METAP1D: variants seen among roughly 807,000 people sequenced by gnomAD.
The protein encoded by METAP1D is methionine aminopeptidase 1D, mitochondrial.
Under a neutral mutation model 40.5 loss-of-function variants are expected in METAP1D, and 31 were observed. The ratio of observed to expected loss-of-function variants is 0.77; its 90% CI spans 0.58 to 1.03. The LOEUF is 1.03. Ranked by LOEUF, METAP1D falls within the 50% of genes least tolerant of loss-of-function variation. The probability of loss-of-function intolerance (pLI) is 0.00; values close to 1 mark genes in which losing one functional copy is unlikely to be tolerated. For missense variants in METAP1D, 411 were observed against 420.7 expected, an observed-to-expected ratio of 0.98 and a Z score of 0.20; for synonymous variants, 151 against 146.4, an observed-to-expected ratio of 1.03 and a Z score of -0.22.
At chr2:172,077,985 C>T in intron 7 of METAP1D, 91 bp downstream of exon 7, 1 of 537,246 alleles carries the variant, frequency 1.9e-6, no homozygotes, top group Non-Finnish European at 3.5e-6. Context: ...TTTGAATCTG[C>T]ATTATCAACC....
chr2:172,080,870 T>C lies in METAP1D; in HGVS notation c.*464T>C. 1 of 188,010 alleles carries C rather than the reference T, an allele frequency of 5.3e-6. No individual in the cohort carries two copies. Among genetic ancestry groups the C allele is most frequent in the Non-Finnish European group, 1.1e-5 (1 of 89,262 alleles). The allele number at this position is 188,010 out of a possible 1,614,324, so 11.6% of individuals were successfully genotyped here. A position where few individuals can be genotyped will look rare whatever the true frequency, so the allele number is the denominator to read the frequency against. Reference sequence around the variant, plus strand: ...ACCTGTTGACTGGGATTTTTAAGAATCCGTTTCTCCCTTTTGTGTATTCCA... The same window carrying C: ...ACCTGTTGACTGGGATTTTTAAGAACCCGTTTCTCCCTTTTGTGTATTCCA... On this transcript the variant is annotated 3_prime_UTR_variant, in exon 10 of 10. Transcript: ENST00000315796.
In METAP1D at chr2:172,052,788, C is replaced by T. The variant is rs75875179; in HGVS notation, c.41-8710C>T. On this transcript the variant is annotated intron_variant, in intron 1 of 9. Coordinates refer to ENST00000315796, the MANE Select transcript of METAP1D (RefSeq NM_199227.3). The stretch of plus-strand genomic sequence containing the variant: ...TTAAAAATTGGGAATTGGGGGAGTT[C>T]CTTGTTGCTTTGATGTAATCAACAT... 4.4e-3 allele frequency among the ~76,000 whole-genome samples: 666 copies of T among 152,246 alleles called. 8 individuals carry two copies. Among genetic ancestry groups the T allele is most frequent in the African/African-American group, 0.015 (623 of 41,550 alleles).
chr2:172,014,402 G>A (rs1352871151), intron 1 of METAP1D, among the ~76,000 whole-genome samples: 3 of 152,090 alleles, frequency 2.0e-5, no homozygotes, highest in Non-Finnish European at 4.4e-5. Flanking sequence ...ATGAGCCACC[G>A]TGCCTGGTCA....
chr2:172,068,765 C>T (rs1264224980), intron 5 of METAP1D, among the ~76,000 whole-genome samples: 4 of 151,928 alleles, frequency 2.6e-5, no homozygotes, highest in East Asian at 1.9e-4. Flanking sequence ...CGCCCACCTC[C>T]GCCTCCCAAA....
At chr2:172,046,023 C>T (rs2105450672) in intron 1 of METAP1D, among the ~76,000 whole-genome samples, 1 of 145,504 alleles carries the variant, frequency 6.9e-6, no homozygotes, top group African/African-American at 2.5e-5. Context: ...AAAAAAGTTT[C>T]AAAGATTGCC....
At chr2:172,040,136 T>G (rs984331660) in intron 1 of METAP1D, among the ~76,000 whole-genome samples, 1 of 151,180 alleles carries the variant, frequency 6.6e-6, no homozygotes. Flanking sequence ...TTTTGTATTT[T>G]CAGTAGAGAC....
intron 1 of METAP1D, among the ~76,000 whole-genome samples, chr2:172,057,103 A>G (rs1486370437): frequency 6.6e-6 from 1 of 152,116 alleles, no homozygotes; most frequent in Non-Finnish European, 1.5e-5. Context: ...CTGGATTTGG[A>G]TTTACAGGAT....
intron 3 of METAP1D, among the ~76,000 whole-genome samples, chr2:172,064,667 A>G (rs1690210379): frequency 6.6e-6 from 1 of 152,120 alleles, no homozygotes; most frequent in Admixed American, 6.6e-5. Context: ...TTCTTTCATA[A>G]TAATCTGAAG....
chr2:172,065,691 G>A lies in METAP1D; in HGVS notation c.436G>A (p.Gly146Ser), dbSNP rs1328645877. ...CTATCCCTCACCTCTAGGCTATGGA[G>A]GTTTTCCAAAATCTGTTTGTACCTC... is the stretch of plus-strand genomic sequence containing the variant. ...NAYPSPLGYG[G>S]FPKSVCTSVN... The change falls in exon 4 of 10, where the codon GGT (glycine) becomes AGT (serine). Residue 146 changes from glycine (G) to serine (S), a missense_variant. Gly to Ser is a moderately conservative substitution (Grantham distance 56). Coordinates refer to ENST00000315796, the MANE Select transcript of METAP1D (RefSeq NM_199227.3). 5 of 1,613,854 alleles carry A rather than the reference G, an allele frequency of 3.1e-6. No individual in the cohort carries two copies. In the African/African-American group the frequency reaches 4.0e-5, roughly 13 times the overall value.
chr2:172,070,019 A>T (rs1175574321), intron 5 of METAP1D, among the ~76,000 whole-genome samples: 1 of 152,168 alleles, frequency 6.6e-6, no homozygotes, highest in Non-Finnish European at 1.5e-5. Context: ...AAATGTGAAA[A>T]ATAATTAGAT....
rs144110125 is a variant in METAP1D, at chr2:172,070,935, C to A, written c.569C>A (p.Thr190Asn). The A allele has an allele frequency of 6.2e-7, 1 of 1,612,536 alleles. No individual in the cohort carries two copies. The highest frequency in any genetic ancestry group is 2.2e-5 in the East Asian group (1 of 44,838). Residue 190 changes from threonine (T) to asparagine (N), a missense_variant, in exon 6 of 10, where the codon ACC becomes AAC. Physicochemically the swap from Thr to Asn is moderately conservative, Grantham distance 65. Transcript: ENST00000315796. ...TATTACAATGGCTACCATGGAGACA[C>A]CTCTGAAACATTTTTGGTGGGCAAT... ...TVYYNGYHGD[T>N]SETFLVGNVD...
chr2:172,068,804 C>T (rs1239338339), intron 5 of METAP1D, among the ~76,000 whole-genome samples: 1 of 152,170 alleles, frequency 6.6e-6, no homozygotes, highest in Non-Finnish European at 1.5e-5. Flanking sequence ...TGAGCCACTG[C>T]ACCAGTCTCA....
At chr2:172,058,672 T>C (rs746736206) in intron 1 of METAP1D, among the ~76,000 whole-genome samples, 4 of 152,202 alleles carry the variant, frequency 2.6e-5, no homozygotes, top group African/African-American at 4.8e-5. Context: ...TGTGCCACTG[T>C]ACCTGAGTTT....
chr2:172,045,811 GTGTGTGTGTATATA>G (rs1343002646), intron 1 of METAP1D, among the ~76,000 whole-genome samples: 36 of 51,726 alleles, frequency 7.0e-4, no homozygotes, highest in South Asian at 3.0e-3. Flanking sequence ...GTGTGTGTGT[GTGTGTGTGTATATA>G]TATATATATA....
chr2:172,014,282 T>C (rs1186332190), intron 1 of METAP1D, among the ~76,000 whole-genome samples: 1 of 152,062 alleles, frequency 6.6e-6, no homozygotes, highest in Non-Finnish European at 1.5e-5. Flanking sequence ...TGGCTAATTT[T>C]TGTATTTTTA....
chr2:172,061,600 T>G lies in METAP1D; in HGVS notation c.143T>G (p.Ile48Ser). The change falls in exon 2 of 10, where the codon ATT (isoleucine) becomes AGT (serine). Residue 48 changes from isoleucine (I) to serine (S), a missense_variant. Coordinates refer to ENST00000315796, the MANE Select transcript of METAP1D (RefSeq NM_199227.3). The stretch of plus-strand genomic sequence containing the variant: ...TTCTTTTTTCGGAGACAAAGAGATA[T>G]TTCACACAGTATAGTTTTGCCGGCT... Reference protein sequence around the residue: ...RNFFFRRQRDISHSIVLPAAV... With the variant: ...RNFFFRRQRDSSHSIVLPAAV... 6.2e-7 allele frequency: 1 copy of G among 1,614,056 alleles called. No homozygotes were observed. Among genetic ancestry groups the G allele is most frequent in the Non-Finnish European group, 8.5e-7 (1 of 1,179,970 alleles).
At chr2:172,078,010 GTGTTTATGTGC>G in intron 7 of METAP1D, 116 bp downstream of exon 7, 1 of 490,960 alleles carries the variant, frequency 2.0e-6, no homozygotes, top group South Asian at 2.5e-5. Flanking sequence ...GTTTGTGTGT[GTGTTTATGTGC>G]AGGGGGCAGG....
At chr2:172,007,253 T>C (rs1325697282) in intron 1 of METAP1D, among the ~76,000 whole-genome samples, 2 of 150,374 alleles carry the variant, frequency 1.3e-5, no homozygotes, top group Non-Finnish European at 2.9e-5. Context: ...CACTGCAACC[T>C]CAAACTCCTG....
In METAP1D at chr2:172,063,750, C is replaced by G; in HGVS notation, c.238C>G (p.Pro80Ala). Residue 80 changes from proline to alanine, a missense_variant, in exon 3 of 10, where the codon CCA becomes GCA. By Grantham distance (27) the Pro-to-Ala change is conservative. Coordinates refer to ENST00000315796, the MANE Select transcript of METAP1D (RefSeq NM_199227.3). ...AGACTATGTGACGACAGGCATTGTACCAGACTGGGGAGACAGCATAGAAGT... is the reference window on the plus strand; with the variant it reads ...AGACTATGTGACGACAGGCATTGTAGCAGACTGGGGAGACAGCATAGAAGT... ...KPDYVTTGIV[P>A]DWGDSIEVKN... The G allele has an allele frequency of 6.2e-7, 1 of 1,613,994 alleles. No homozygotes were observed. The highest frequency in any genetic ancestry group is 2.2e-5 in the East Asian group (1 of 44,866).
Sources: allele counts gnomAD v4.1 joint callset (sites outside exome capture counted in the v4.1 genomes callset), GRCh38; gene constraint gnomAD v4.1.1; transcripts MANE v1.5; gene names NCBI Gene and HGNC (gene_info 2026-07-23, HGNC 2026-07-21).